The following UNC13B variants were observed in gnomAD, a reference collection of about 807,000 sequenced individuals.
The protein encoded by UNC13B is unc-13 homolog B.
In UNC13B, 144 loss-of-function variants were observed where a neutral mutation model predicts 211.0. The observed-to-expected ratio is 0.68, with a 90% CI of 0.60 to 0.78. The LOEUF is 0.78. Among genes scored for constraint, UNC13B ranks in the 30% least tolerant of loss-of-function variants. The probability of loss-of-function intolerance (pLI) is 0.00; values close to 1 mark genes in which losing one functional copy is unlikely to be tolerated. For synonymous variants in UNC13B, 709 were observed against 725.8 expected, an observed-to-expected ratio of 0.98 and a Z score of 0.37; for missense variants, 1,777 against 2,002.0, an observed-to-expected ratio of 0.89 and a Z score of 2.14.
At chr9:35,378,210 CTGCTCTAAGA>C in intron 16 of UNC13B, 75 bp from the exon 17 acceptor site, 1 of 1,553,662 alleles carries the variant, frequency 6.4e-7, no homozygotes, top group Non-Finnish European at 8.8e-7. Flanking sequence ...GGAGCATAGA[CTGCTCTAAGA>C]TGGAAAGCAT....
Position 35,381,629 on chromosome 9 carries a change from C to T in UNC13B, c.10565C>T (p.Ala3522Val). The T allele has an allele frequency of 6.2e-7, 1 of 1,614,196 alleles. No homozygotes were observed. The highest frequency in any genetic ancestry group is 8.5e-7 in the Non-Finnish European group (1 of 1,180,032). Reference sequence around the variant, plus strand: ...ATCCCTGAAGCTCGAGGAGACGATGCCTGGAAGGTGTACTTTGATGAGACA... The same window carrying T: ...ATCCCTGAAGCTCGAGGAGACGATGTCTGGAAGGTGTACTTTGATGAGACA... ...VRIPEARGDD[A>V]WKVYFDETAQ... The change falls in exon 20 of 40, where the codon GCC (alanine) becomes GTC (valine). Residue 3522 changes from alanine (A) to valine (V), a missense_variant. Physicochemically the swap from Ala to Val is moderately conservative, Grantham distance 64. Transcript: ENST00000635942.
chr9:35,400,385 G>C lies in UNC13B; in HGVS notation c.12426G>C (p.Leu4142=). Residue 4142 remains leucine (L), a synonymous_variant, in exon 37 of 40, where the codon CTG becomes CTC. Coordinates refer to ENST00000635942, the MANE Select transcript of UNC13B (RefSeq NM_001371189.2). ...AGTCTCTACGCTATGCCCTGTCTCT[G>C]TACACACAGACTACTGACACTCTCA... The part of the protein sequence containing the change: ...DLQSLRYALS[L]YTQTTDTLIK... 6.2e-7 allele frequency: 1 copy of C among 1,614,140 alleles called. No homozygotes were observed. Among genetic ancestry groups the C allele is most frequent in the South Asian group, 1.1e-5 (1 of 91,066 alleles).
chr9:35,337,167 C>T (rs181831974), intron 11 of UNC13B, among the ~76,000 whole-genome samples: 2 of 151,846 alleles, frequency 1.3e-5, no homozygotes, highest in Admixed American at 1.3e-4. Flanking sequence ...TTAGAAATAT[C>T]CCCCTAGCAA....
chr9:35,319,392 G>C (rs2131901239), intron 11 of UNC13B, among the ~76,000 whole-genome samples: 1 of 99,446 alleles, frequency 1.0e-5, no homozygotes, highest in African/African-American at 4.2e-5. Context: ...GACAGAGTGA[G>C]ACCCTATCTC....
intron 11 of UNC13B, among the ~76,000 whole-genome samples, chr9:35,344,222 G>T (rs766379315): frequency 1.5e-4 from 23 of 152,138 alleles, no homozygotes; most frequent in Non-Finnish European, 2.4e-4. Context: ...TGATGGTCTG[G>T]CAGAGACCGG....
At chr9:35,352,129 G>T in intron 11 of UNC13B, 1 of 1,232,292 alleles carries the variant, frequency 8.1e-7, no homozygotes. Flanking sequence ...TGGCCAAGGT[G>T]TGTGAGGGTG....
At chr9:35,333,960 G>T (rs1016826177) in intron 11 of UNC13B, among the ~76,000 whole-genome samples, 93 of 128,122 alleles carry the variant, frequency 7.3e-4, no homozygotes, top group African/African-American at 2.4e-3. Flanking sequence ...TCATTTTTTT[G>T]TTTGTTTTTT....
chr9:35,347,356 A>C (rs1205089815), intron 11 of UNC13B, among the ~76,000 whole-genome samples: 1 of 152,208 alleles, frequency 6.6e-6, no homozygotes, highest in Non-Finnish European at 1.5e-5. Context: ...ACTGACTTGG[A>C]GATCAAATGG....
intron 8 of UNC13B, 34 bp downstream of exon 8, chr9:35,295,964 A>C (rs750077043): frequency 6.4e-7 from 1 of 1,550,500 alleles, no homozygotes; most frequent in Non-Finnish European, 8.8e-7. Context: ...TTCTCTTCCT[A>C]ATATCCAGGT....
rs777234673 is a variant in UNC13B at position 35,403,930 on chromosome 9, G to A, written c.12920G>A (p.Gly4307Asp). Residue 4307 changes from glycine (G) to aspartate (D), a missense_variant, in exon 40 of 40, where the codon GGC (glycine) becomes GAC (aspartate). Physicochemically the swap from Gly to Asp is moderately conservative, Grantham distance 94. Transcript: ENST00000635942. ...CGGAAGATCCATATGGATGAGACAG[G>A]CCTGACCATTCTCCGGATTTTATCT... ...LGRKIHMDET[G>D]LTILRILSQR... 6.2e-7 allele frequency: 1 copy of A among 1,614,166 alleles called. No individual in the cohort carries two copies. The highest frequency in any genetic ancestry group is 8.5e-7 in the Non-Finnish European group (1 of 1,180,032).
At chr9:35,348,824 A>G (rs992181587) in intron 11 of UNC13B, among the ~76,000 whole-genome samples, 4 of 152,226 alleles carry the variant, frequency 2.6e-5, no homozygotes, top group African/African-American at 9.6e-5. Flanking sequence ...CAAGACCCAA[A>G]CTTAAGTCTC....
chr9:35,375,537 A>G (rs1010567003), intron 14 of UNC13B, among the ~76,000 whole-genome samples: 1 of 152,222 alleles, frequency 6.6e-6, no homozygotes, highest in African/African-American at 2.4e-5. Flanking sequence ...TTGGACAACC[A>G]GAAGCACACT....
rs554940767 is a variant in UNC13B, at chr9:35,352,623, A to T, written c.9415-14324A>T. On this transcript the variant is annotated intron_variant, in intron 11 of 39. Coordinates refer to ENST00000635942, the MANE Select transcript of UNC13B (RefSeq NM_001371189.2). ...AAGGCTCAGGATCAACAGAGAGAGC[A>T]CCAGGCCCCTGAGCAGCAAGGCCCT... The T allele has an allele frequency of 7.3e-5, 90 of 1,232,172 alleles. No individual in the cohort carries two copies. In the African/African-American group the frequency reaches 1.3e-3, roughly 18 times the overall value. 76.3% of individuals were successfully genotyped at this position (1,232,172 alleles called of 1,614,324 possible). A position where few individuals can be genotyped will look rare whatever the true frequency, so the allele number is the denominator to read the frequency against.
intron 24 of UNC13B, among the ~76,000 whole-genome samples, chr9:35,388,080 G>A (rs1835295525): frequency 6.6e-6 from 1 of 152,058 alleles, no homozygotes; most frequent in African/African-American, 2.4e-5. Flanking sequence ...AATGCTTGGA[G>A]GCACAGAATT....
chr9:35,302,382 T>C lies in UNC13B; in HGVS notation c.2978T>C (p.Val993Ala). ...SIKEFNKNDQVNCPEDAKLSS... is the reference protein window; with the variant it reads ...SIKEFNKNDQANCPEDAKLSS... ...AAGGAATTTAATAAGAATGACCAAGTAAATTGTCCTGAAGATGCCAAACTT... is the reference window on the plus strand; with the variant it reads ...AAGGAATTTAATAAGAATGACCAAGCAAATTGTCCTGAAGATGCCAAACTT... Residue 993 changes from valine to alanine, a missense_variant, in exon 9 of 40, where the codon GTA becomes GCA. Coordinates refer to ENST00000635942, the MANE Select transcript of UNC13B (RefSeq NM_001371189.2). 1 of 398,560 alleles carries C rather than the reference T, an allele frequency of 2.5e-6. No homozygotes were observed. Among genetic ancestry groups the C allele is most frequent in the Non-Finnish European group, 4.4e-6 (1 of 225,770 alleles). The allele number at this position is 398,560 out of a possible 1,614,324, so 24.7% of individuals were successfully genotyped here. A position where few individuals can be genotyped will look rare whatever the true frequency, so the allele number is the denominator to read the frequency against.
At chr9:35,193,746 G>A (rs7031461) in intron 1 of UNC13B, among the ~76,000 whole-genome samples, 83,021 of 151,580 alleles carry the variant, frequency 0.55, 23,052 homozygotes, top group East Asian at 0.58. Context: ...TTTGGTTTTG[G>A]AGGATGTTTT....
rs1050595617 is a variant in UNC13B, at chr9:35,352,325, C to T, written c.9415-14622C>T. 3.2e-6 allele frequency: 4 copies of T among 1,232,064 alleles called. No homozygotes were observed. In the African/African-American group the frequency reaches 4.7e-5, roughly 14 times the overall value. The allele number at this position is 1,232,064 out of a possible 1,614,324, so 76.3% of individuals were successfully genotyped here. A position where few individuals can be genotyped will look rare whatever the true frequency, so the allele number is the denominator to read the frequency against. On this transcript the variant is annotated intron_variant, in intron 11 of 39. Coordinates refer to ENST00000635942, the MANE Select transcript of UNC13B (RefSeq NM_001371189.2). Reference sequence around the variant, plus strand: ...AAAGGCTTACAGGGCAGGCACATCCCCTTCCCCTAGGCCCACTGTTGTGAA... The same window carrying T: ...AAAGGCTTACAGGGCAGGCACATCCTCTTCCCCTAGGCCCACTGTTGTGAA...
In UNC13B at chr9:35,306,392, G is replaced by T. The variant is rs1829924632; in HGVS notation, c.6988G>T (p.Asp2330Tyr). Reference sequence around the variant, plus strand: ...TTTCCAGATGAATGAATTGCAAAAAGACATTATTCCTCCTTCACCAGAATT... The same window carrying T: ...TTTCCAGATGAATGAATTGCAAAAATACATTATTCCTCCTTCACCAGAATT... ...VDFQMNELQK[D>Y]IIPPSPEFQA... The change falls in exon 9 of 40, where the codon GAC becomes TAC. Residue 2330 changes from aspartate to tyrosine, a missense_variant. Coordinates refer to ENST00000635942, the MANE Select transcript of UNC13B (RefSeq NM_001371189.2). The T allele has an allele frequency of 2.5e-6, 1 of 398,836 alleles. No homozygotes were observed. Among genetic ancestry groups the T allele is most frequent in the Non-Finnish European group, 4.4e-6 (1 of 226,068 alleles). 24.7% of individuals were successfully genotyped at this position (398,836 alleles called of 1,614,324 possible).
At chr9:35,344,284 C>T (rs753676618) in intron 11 of UNC13B, among the ~76,000 whole-genome samples, 2 of 151,736 alleles carry the variant, frequency 1.3e-5, no homozygotes, top group Non-Finnish European at 2.9e-5. Context: ...CTTTTTTTGT[C>T]CTGAGTGAGT....
Sources: gnomAD v4.1 joint callset for allele counts (sites outside exome capture counted in the v4.1 genomes callset) on GRCh38, gnomAD v4.1.1 for gene constraint, MANE v1.5 for transcripts, NCBI Gene and HGNC (gene_info 2026-07-23, HGNC 2026-07-21) for gene names.